GALNT18: variants seen among roughly 807,000 people sequenced by gnomAD.
GALNT18 encodes GalNAc-transferase 18.
A neutral mutation model predicts 69.5 loss-of-function variants in GALNT18; 44 were observed. That is an observed-to-expected ratio of 0.63 (90% CI 0.50 to 0.81). The LOEUF (loss-of-function observed/expected upper bound fraction) is 0.81, where lower values mean the gene tolerates loss of function less well. Ranked by LOEUF, GALNT18 falls within the 40% of genes least tolerant of loss-of-function variation. The pLI is 0.00. For synonymous variants in GALNT18, 364 were observed against 318.2 expected, an observed-to-expected ratio of 1.14 and a Z score of -1.53; for missense variants, 715 against 810.0, an observed-to-expected ratio of 0.88 and a Z score of 1.42.
chr11:11,502,097 T>G (rs1447614685), intron 1 of GALNT18, among the ~76,000 whole-genome samples: 1 of 152,168 alleles, frequency 6.6e-6, no homozygotes, highest in Non-Finnish European at 1.5e-5. Flanking sequence ...ACACCCACAG[T>G]GCTGAGTGTA....
chr11:11,474,900 C>T lies in GALNT18; in HGVS notation c.236-25964G>A, dbSNP rs752391149. Among the ~76,000 whole-genome samples the T allele has an allele frequency of 4.6e-5, 7 of 152,318 alleles. No homozygotes were observed. In the South Asian group the frequency reaches 6.2e-4, roughly 14 times the overall value. ...GACATGAGAGACAGTGTTGACTCCACAGCTGTCTAAAATGCCCTGACCTGC... is the reference window on the plus strand; with the variant it reads ...GACATGAGAGACAGTGTTGACTCCATAGCTGTCTAAAATGCCCTGACCTGC... On this transcript the variant is annotated intron_variant, in intron 1 of 10. Transcript: ENST00000227756.
At chr11:11,521,400 A>G (rs980437890) in intron 1 of GALNT18, among the ~76,000 whole-genome samples, 16 of 152,070 alleles carry the variant, frequency 1.1e-4, no homozygotes, top group African/African-American at 3.9e-4. Flanking sequence ...GCCACCAGCT[A>G]GACTCACTCC....
intron 10 of GALNT18, among the ~76,000 whole-genome samples, chr11:11,272,054 T>G (rs1848838825): frequency 6.6e-6 from 1 of 152,186 alleles, no homozygotes; most frequent in Non-Finnish European, 1.5e-5. Context: ...TGTGCTCAAC[T>G]AGACTTTGGC....
chr11:11,488,553 C>T (rs751393692), intron 1 of GALNT18, among the ~76,000 whole-genome samples: 3 of 152,128 alleles, frequency 2.0e-5, no homozygotes, highest in Non-Finnish European at 4.4e-5. Context: ...TCTTTGGGGG[C>T]CATCATCCTT....
At chr11:11,512,647 T>G (rs1006479183) in intron 1 of GALNT18, among the ~76,000 whole-genome samples, 2 of 152,164 alleles carry the variant, frequency 1.3e-5, no homozygotes, top group African/African-American at 4.8e-5. Context: ...TCCAACCTAA[T>G]TTTAGTGACA....
intron 6 of GALNT18, among the ~76,000 whole-genome samples, chr11:11,371,878 G>A (rs1466887456): frequency 6.6e-6 from 1 of 152,194 alleles, no homozygotes; most frequent in African/African-American, 2.4e-5. Context: ...TGTAGGATGA[G>A]AAATAACATA....
chr11:11,386,915 C>G (rs976456656), intron 3 of GALNT18, among the ~76,000 whole-genome samples: 1 of 152,160 alleles, frequency 6.6e-6, no homozygotes, highest in Admixed American at 6.5e-5. Flanking sequence ...CTCCAGAGTA[C>G]CATCCCAGCA....
chr11:11,521,989 C>G (rs1857408991), intron 1 of GALNT18, among the ~76,000 whole-genome samples: 1 of 152,042 alleles, frequency 6.6e-6, no homozygotes, highest in African/African-American at 2.4e-5. Flanking sequence ...TCCTGAGGCC[C>G]AAGAAAAGGG....
intron 1 of GALNT18, among the ~76,000 whole-genome samples, chr11:11,568,984 A>G (rs566817540): frequency 2.6e-5 from 4 of 152,292 alleles, no homozygotes; most frequent in Non-Finnish European, 4.4e-5. Flanking sequence ...GCATTTCAAA[A>G]TCACTGATCA....
intron 6 of GALNT18, among the ~76,000 whole-genome samples, chr11:11,364,949 T>C (rs1348292766): frequency 6.6e-6 from 1 of 151,082 alleles, no homozygotes; most frequent in Non-Finnish European, 1.5e-5. Flanking sequence ...GGGATTTATT[T>C]TACTATCTCA....
chr11:11,291,220 G>A (rs1182118111), intron 10 of GALNT18, among the ~76,000 whole-genome samples: 1 of 152,196 alleles, frequency 6.6e-6, no homozygotes, highest in African/African-American at 2.4e-5. Context: ...AGAGAGGGAG[G>A]TGGGAGGATG....
chr11:11,372,733 T>G lies in GALNT18; in HGVS notation c.978-104A>C, dbSNP rs568021608. On this transcript the variant is annotated intron_variant, in intron 5 of 10. Coordinates refer to ENST00000227756, the MANE Select transcript of GALNT18 (RefSeq NM_198516.3). This position sits in a 1 kb window ranked among gnomAD's most constrained non-coding sequence, Gnocchi z 4.9. ...GAGGGTCTGGTTCTCTTCCTTCCTT[T>G]GCTGCCAGAGCCAGTGTGAGCCTTG... is the stretch of plus-strand genomic sequence containing the variant. The G allele has an allele frequency of 1.2e-5, 11 of 891,870 alleles. No individual in the cohort carries two copies. In the East Asian group the frequency reaches 2.1e-4, roughly 17 times the overall value. 55.2% of individuals were successfully genotyped at this position (891,870 alleles called of 1,614,324 possible). A position where few individuals can be genotyped will look rare whatever the true frequency, so the allele number is the denominator to read the frequency against.
rs75179637 is a variant in GALNT18 at position 11,331,363 on chromosome 11, G to A, written c.1416+1331C>T. Among the ~76,000 whole-genome samples the A allele has an allele frequency of 3.5e-3, 534 of 152,250 alleles. 1 individual carries two copies. The highest frequency in any genetic ancestry group is 5.8e-3 in the Non-Finnish European group (397 of 68,014). On this transcript the variant is annotated intron_variant, in intron 8 of 10. Transcript: ENST00000227756. ...GGCCTTCTGGCTAACAGAGACCCTG[G>A]GGGTAGAGGGCATGGGTCTAGGATT...
Position 11,353,107 on chromosome 11 carries a change from C to T in GALNT18, c.1093-12103G>A, listed in dbSNP as rs558423099. The T allele has an allele frequency of 3.3e-4, 537 of 1,614,096 alleles. 1 individual carries two copies. In the African/African-American group the frequency reaches 4.2e-3, roughly 13 times the overall value. ...GTGTAAACTCTGGCCCTGCTTGGCA[C>T]GGGTCCCGACATGTCAGACAGGTTG... On this transcript the variant is annotated intron_variant, in intron 6 of 10. Transcript: ENST00000227756.
At chr11:11,486,233 GC>G (rs1856642592) in intron 1 of GALNT18, among the ~76,000 whole-genome samples, 1 of 152,128 alleles carries the variant, frequency 6.6e-6, no homozygotes, top group Admixed American at 6.5e-5. Flanking sequence ...CGCCCTACTT[GC>G]CTTCTTCCCT....
At chr11:11,313,123 G>C (rs975076642) in intron 9 of GALNT18, among the ~76,000 whole-genome samples, 1 of 152,178 alleles carries the variant, frequency 6.6e-6, no homozygotes, top group African/African-American at 2.4e-5. Context: ...AAGGGGAGAA[G>C]GGAAGTGGGG....
chr11:11,289,664 C>T (rs1311682898), intron 10 of GALNT18, among the ~76,000 whole-genome samples: 3 of 152,174 alleles, frequency 2.0e-5, no homozygotes, highest in Non-Finnish European at 4.4e-5. Context: ...TCTAGGTGTG[C>T]ACAGGAGATG....
chr11:11,350,491 C>G (rs1850380517), intron 6 of GALNT18, among the ~76,000 whole-genome samples: 1 of 152,210 alleles, frequency 6.6e-6, no homozygotes, highest in Non-Finnish European at 1.5e-5. Flanking sequence ...GGACTCAAGA[C>G]AAGTTGGAAA....
intron 1 of GALNT18, among the ~76,000 whole-genome samples, chr11:11,479,670 G>A (rs1418777383): frequency 1.3e-5 from 2 of 152,150 alleles, no homozygotes; most frequent in African/African-American, 2.4e-5. Context: ...GGTTTACTGA[G>A]GGATGACATT....
Sources: allele counts gnomAD v4.1 joint callset (sites outside exome capture counted in the v4.1 genomes callset), GRCh38; gene constraint gnomAD v4.1.1; non-coding constraint Gnocchi (gnomAD v3.1); transcripts MANE v1.5; gene names NCBI Gene and HGNC (gene_info 2026-07-23, HGNC 2026-07-21).